Variants in CRACD observed in about 807,000 individuals in gnomAD.
CRACD encodes capping protein inhibiting regulator of actin dynamics, also known as capping protein-inhibiting regulator of actin dynamics.
Under a neutral mutation model 106.8 loss-of-function variants are expected in CRACD, and 56 were observed. The observed-to-expected ratio is 0.52, with a 90% confidence interval of 0.42 to 0.66. The LOEUF (loss-of-function observed/expected upper bound fraction) is 0.66, where lower values mean the gene tolerates loss of function less well. CRACD is among the 30% of genes least tolerant of loss of function. CRACD has a pLI of 0.00. For missense variants in CRACD, 1,730 were observed against 1,623.2 expected (o/e 1.07, Z -1.13); for synonymous variants, 754 against 670.8 (o/e 1.12, Z -1.92).
chr4:56,330,283 G>C lies in CRACD; in HGVS notation c.*2479G>C, dbSNP rs965923667. Among the ~76,000 whole-genome samples the C allele has an allele frequency of 1.3e-5, 2 of 151,640 alleles. No individual in the cohort carries two copies. The highest frequency in any genetic ancestry group is 4.8e-5 in the African/African-American group (2 of 41,278). On this transcript the variant is annotated 3_prime_UTR_variant, in exon 11 of 11. Transcript: ENST00000682029. ...TCATAGACTTATATATAAAACTAGA[G>C]GGTTTTTTGTTTACTTTTTTAATTT...
intron 2 of CRACD, among the ~76,000 whole-genome samples, chr4:56,270,051 C>T (rs1043984975): frequency 4.6e-5 from 7 of 152,182 alleles, no homozygotes; most frequent in Non-Finnish European, 1.5e-5. Context: ...TCTGACACAA[C>T]GTCGTTTCAG....
intron 5 of CRACD, among the ~76,000 whole-genome samples, chr4:56,309,634 A>G (rs1643143615): frequency 6.6e-6 from 1 of 152,024 alleles, no homozygotes; most frequent in South Asian, 2.1e-4. Context: ...TGGGCGGGTC[A>G]CCTGAACTCA....
rs116925250 is a variant in CRACD at position 56,186,659 on chromosome 4, G to C, written c.-189+7229G>C. On this transcript the variant is annotated intron_variant, in intron 2 of 10. Coordinates refer to ENST00000682029, the MANE Select transcript of CRACD (RefSeq NM_001393381.1). ...TAAGCATACTGTTCAGGAGTTCATG[G>C]TCACTTCCTCCTTCCTGTCACCTCT... is the stretch of plus-strand genomic sequence containing the variant. Among the ~76,000 whole-genome samples the C allele has an allele frequency of 5.1e-4, 77 of 152,270 alleles. 1 individual carries two copies. In the East Asian group the frequency reaches 0.012, roughly 24 times the overall value.
chr4:56,181,042 C>G (rs1736801261), intron 2 of CRACD, among the ~76,000 whole-genome samples: 1 of 152,104 alleles, frequency 6.6e-6, no homozygotes, highest in African/African-American at 2.4e-5. Flanking sequence ...GAACTAGGTA[C>G]TATTTTTGAT....
rs769059673 is a variant in CRACD at position 56,298,252 on chromosome 4, A to G, written c.23A>G (p.His8Arg). 1.2e-6 allele frequency: 2 copies of G among 1,614,046 alleles called. No homozygotes were observed. The highest frequency in any genetic ancestry group is 2.7e-5 in the African/African-American group (2 of 74,940). Reference sequence around the variant, plus strand: ...TCTATGGGAACCCGGGCATTTTCCCATGACAGTATTTTTATCCCTGATGGG... The same window carrying G: ...TCTATGGGAACCCGGGCATTTTCCCGTGACAGTATTTTTATCCCTGATGGG... MGTRAFS[H>R]DSIFIPDGGA... Residue 8 changes from histidine (H) to arginine (R), a missense_variant, in exon 4 of 11, where the codon CAT becomes CGT. Around this residue, in one of 5 missense-constraint regions of CRACD, gnomAD observed 1,620 missense variants for 1,481.6 expected, o/e 1.09. Transcript: ENST00000682029.
At chr4:56,061,255 C>G (rs1310284111) in intron 1 of CRACD, among the ~76,000 whole-genome samples, 1 of 152,138 alleles carries the variant, frequency 6.6e-6, no homozygotes, top group African/African-American at 2.4e-5. Flanking sequence ...ACGGCAGCCT[C>G]GACCTCCGGG....
rs1302146257 is a variant in CRACD at position 56,270,857 on chromosome 4, G to A, written c.-188-1464G>A. On this transcript the variant is annotated intron_variant, in intron 2 of 10. Coordinates refer to ENST00000682029, the MANE Select transcript of CRACD (RefSeq NM_001393381.1). ...AGCACTTTGGGAGGCCAAGGCGGAC[G>A]GATCATTTGAGGTCAGGAGTTCAAA... 4.6e-5 allele frequency among the ~76,000 whole-genome samples: 7 copies of A among 151,968 alleles called. No individual in the cohort carries two copies. In the East Asian group the frequency reaches 9.7e-4, roughly 21 times the overall value.
intron 2 of CRACD, among the ~76,000 whole-genome samples, chr4:56,225,660 AG>A (rs1476691865): frequency 6.6e-6 from 1 of 152,192 alleles, no homozygotes; most frequent in Non-Finnish European, 1.5e-5. Flanking sequence ...AAAATCATAC[AG>A]CTTAATTACT....
intron 1 of CRACD, among the ~76,000 whole-genome samples, chr4:56,086,711 G>A (rs954040101): frequency 2.0e-5 from 3 of 151,994 alleles, no homozygotes; most frequent in Admixed American, 1.3e-4. Flanking sequence ...TCCCGGCACC[G>A]CCCAGTGAGT....
chr4:56,113,625 A>G lies in CRACD; in HGVS notation c.-336+64326A>G, dbSNP rs552573734. Among the ~76,000 whole-genome samples, 199 of 152,298 alleles carry G rather than the reference A, an allele frequency of 1.3e-3. 1 individual carries two copies. The highest frequency in any genetic ancestry group is 2.3e-3 in the Non-Finnish European group (159 of 68,024). ...TAGTTTTTGTTCCCTGTGACACTCT[A>G]TGTCATCTTGGTGGCCTGATAGCAC... On this transcript the variant is annotated intron_variant, in intron 1 of 10. Coordinates refer to ENST00000682029, the MANE Select transcript of CRACD (RefSeq NM_001393381.1).
intron 2 of CRACD, among the ~76,000 whole-genome samples, chr4:56,199,790 G>T (rs1245171948): frequency 6.6e-6 from 1 of 151,508 alleles, no homozygotes; most frequent in East Asian, 1.9e-4. Context: ...CACTCCCTAA[G>T]AACTTGTCAA....
chr4:56,302,058 C>T (rs1263569556), intron 4 of CRACD, among the ~76,000 whole-genome samples: 2 of 152,088 alleles, frequency 1.3e-5, no homozygotes, highest in African/African-American at 2.4e-5. Context: ...GCCAGCCCCA[C>T]CTGGCTGTAT....
intron 2 of CRACD, among the ~76,000 whole-genome samples, chr4:56,207,793 TA>T (rs898450230): frequency 3.4e-5 from 5 of 145,218 alleles, no homozygotes; most frequent in Non-Finnish European, 7.5e-5. Context: ...TATTTTATTT[TA>T]TTTTTTCATT....
chr4:56,214,677 C>CTATATATATATATATA (rs748365524), intron 2 of CRACD, among the ~76,000 whole-genome samples: 3 of 68,840 alleles, frequency 4.4e-5, no homozygotes, highest in African/African-American at 1.5e-4. Flanking sequence ...CTCTCTCTCT[C>CTATATATATATATATA]TCTCTATATA....
intron 2 of CRACD, among the ~76,000 whole-genome samples, chr4:56,192,624 T>C (rs1043860757): frequency 3.3e-5 from 5 of 151,950 alleles, no homozygotes; most frequent in African/African-American, 9.7e-5. Flanking sequence ...GAAAAAGGAT[T>C]AAAGTCTAAT....
chr4:56,259,946 C>A (rs550972090), intron 2 of CRACD, among the ~76,000 whole-genome samples: 2 of 152,252 alleles, frequency 1.3e-5, no homozygotes. Flanking sequence ...ACAATCAGAA[C>A]CCAATTGAGG....
chr4:56,215,213 G>T (rs905548806), intron 2 of CRACD, among the ~76,000 whole-genome samples: 11 of 152,016 alleles, frequency 7.2e-5, no homozygotes, highest in African/African-American at 1.2e-4. Flanking sequence ...AGAGATGGGG[G>T]TCTCACTATG....
intron 2 of CRACD, among the ~76,000 whole-genome samples, chr4:56,264,601 T>C (rs1037856870): frequency 1.3e-4 from 20 of 152,296 alleles, no homozygotes; most frequent in Non-Finnish European, 2.2e-4. Context: ...TACAAACAAT[T>C]TGTGCAGTTA....
At chr4:56,066,586 A>G (rs1218708339) in intron 1 of CRACD, among the ~76,000 whole-genome samples, 1 of 152,202 alleles carries the variant, frequency 6.6e-6, no homozygotes, top group Non-Finnish European at 1.5e-5. Flanking sequence ...ATAAATAAAT[A>G]AAATTGTAAT....
Sources: allele counts gnomAD v4.1 joint callset (sites outside exome capture counted in the v4.1 genomes callset), GRCh38; gene constraint gnomAD v4.1.1; regional missense constraint gnomAD v4.1.1; transcripts MANE v1.5; gene names NCBI Gene and HGNC (gene_info 2026-07-23, HGNC 2026-07-21).